Variants in CACNA2D3 observed in about 807,000 individuals in gnomAD.
The protein encoded by CACNA2D3 is calcium voltage-gated channel auxiliary subunit alpha2delta 3, also known as voltage-dependent calcium channel subunit alpha-2/delta-3.
CACNA2D3 carries 60 observed loss-of-function variants against 160.6 expected under a neutral mutation model. That is an observed-to-expected ratio of 0.37 (90% confidence interval 0.30 to 0.46). The LOEUF (loss-of-function observed/expected upper bound fraction) is 0.46, where lower values mean the gene tolerates loss of function less well. Ranked by LOEUF, CACNA2D3 falls within the 20% of genes least tolerant of loss-of-function variation. CACNA2D3 has a pLI of 1.00. For missense variants in CACNA2D3, 1,205 were observed against 1,365.0 expected (o/e 0.88, Z 1.85); for synonymous variants, 558 against 492.9 (o/e 1.13, Z -1.75).
At chr3:54,859,972 G>GCA (rs1553891454) in intron 17 of CACNA2D3, among the ~76,000 whole-genome samples, 25,880 of 133,476 alleles carry the variant, frequency 0.19, 2,367 homozygotes, top group East Asian at 0.27. Flanking sequence ...GAAAGTAGAT[G>GCA]CACACACACA....
intron 17 of CACNA2D3, among the ~76,000 whole-genome samples, chr3:54,861,111 C>G (rs1699282163): frequency 2.6e-5 from 4 of 152,024 alleles, no homozygotes. Flanking sequence ...TGCTTAGGAC[C>G]TAGTAGGGGA....
intron 5 of CACNA2D3, among the ~76,000 whole-genome samples, chr3:54,512,201 G>C: frequency 6.6e-6 from 1 of 152,056 alleles, no homozygotes; most frequent in East Asian, 1.9e-4. Context: ...GCCAGCCATC[G>C]GGCTCGCACA....
rs534827627 is a variant in CACNA2D3 at position 54,619,293 on chromosome 3, AGCAGTTACTTGGAAATGT to A, written c.964-8490_964-8473del. 2.0e-3 allele frequency among the ~76,000 whole-genome samples: 303 copies of A among 152,312 alleles called. 2 individuals are homozygous for A. The highest frequency in any genetic ancestry group is 6.9e-3 in the African/African-American group (288 of 41,564). Reference sequence around the variant, plus strand: ...GGTAATCATCATGTCCCTCCCCCTCAGCAGTTACTTGGAAATGTGCACTGCTTAGGTGGAGGGGCTGTT... The same window carrying A: ...GGTAATCATCATGTCCCTCCCCCTCAGCACTGCTTAGGTGGAGGGGCTGTT... On this transcript the variant is annotated intron_variant, in intron 9 of 37. Transcript: ENST00000474759.
chr3:54,413,400 A>ATATATATAGATATC (rs1699701183), intron 4 of CACNA2D3, among the ~76,000 whole-genome samples: 1 of 146,866 alleles, frequency 6.8e-6, no homozygotes, highest in African/African-American at 2.5e-5. Context: ...ATATATATCT[A>ATATATATAGATATC]TATATATCTA....
rs189759993 is a variant in CACNA2D3 at position 54,584,181 on chromosome 3, A to G, written c.963+2304A>G. Among the ~76,000 whole-genome samples the G allele has an allele frequency of 3.7e-3, 557 of 152,332 alleles. 1 individual carries two copies. The highest frequency in any genetic ancestry group is 5.0e-3 in the Admixed American group (76 of 15,306). On this transcript the variant is annotated intron_variant, in intron 9 of 37. Coordinates refer to ENST00000474759, the MANE Select transcript of CACNA2D3 (RefSeq NM_018398.3). The stretch of plus-strand genomic sequence containing the variant: ...ATGCCCAGAATGCAATTAAAATGCC[A>G]CGAACTGGGAAAATCACAACATGAA...
At chr3:54,487,090 A>G (rs183261740) in intron 4 of CACNA2D3, among the ~76,000 whole-genome samples, 1 of 152,214 alleles carries the variant, frequency 6.6e-6, no homozygotes, top group East Asian at 1.9e-4. Context: ...ATAACCTTAT[A>G]CCCACTATGA....
rs555468369 is a variant in CACNA2D3 at position 54,794,486 on chromosome 3, C to T, written c.1381-22367C>T. 2.1e-4 allele frequency among the ~76,000 whole-genome samples: 32 copies of T among 152,142 alleles called. 1 individual carries two copies. The South Asian group carries it at 3.5e-3, about 17-fold the overall frequency. Reference sequence around the variant, plus strand: ...ACCCACATGTTTTTCATTTCTGGTGCTATTTATTCTTTTGGATATACTCAA... The same window carrying T: ...ACCCACATGTTTTTCATTTCTGGTGTTATTTATTCTTTTGGATATACTCAA... On this transcript the variant is annotated intron_variant, in intron 13 of 37. Transcript: ENST00000474759.
chr3:55,038,905 T>TACAC (rs1366203176), intron 35 of CACNA2D3, among the ~76,000 whole-genome samples: 13 of 92,188 alleles, frequency 1.4e-4, no homozygotes, highest in African/African-American at 4.4e-4. Context: ...TATATATATA[T>TACAC]ATACACACAC....
chr3:54,687,138 T>TTTC (rs1700474419), intron 11 of CACNA2D3, among the ~76,000 whole-genome samples: 2 of 69,062 alleles, frequency 2.9e-5, no homozygotes, highest in African/African-American at 1.2e-4. Flanking sequence ...TTTTTTTGTT[T>TTTC]TTTTTTTTTT....
intron 35 of CACNA2D3, among the ~76,000 whole-genome samples, chr3:55,045,199 C>A (rs1367860270): frequency 6.6e-6 from 1 of 152,118 alleles, no homozygotes; most frequent in African/African-American, 2.4e-5. Flanking sequence ...CAGGTGCCTG[C>A]CACCATGACT....
chr3:54,164,538 G>A (rs988282603), intron 2 of CACNA2D3, among the ~76,000 whole-genome samples: 2 of 152,126 alleles, frequency 1.3e-5, no homozygotes, highest in African/African-American at 4.8e-5. Flanking sequence ...TGGTCTTTTT[G>A]TCCAGACAGC....
At chr3:54,387,094 A>C (rs780917969) in intron 4 of CACNA2D3, among the ~76,000 whole-genome samples, 2 of 152,254 alleles carry the variant, frequency 1.3e-5, no homozygotes, top group Non-Finnish European at 2.9e-5. Flanking sequence ...AGATAGCAGA[A>C]TACATCCAAA....
In CACNA2D3 at chr3:55,055,918, A is replaced by G. The variant is rs76309345; in HGVS notation, c.2988-17527A>G. ...TTTTTTTAGGTTTGACCCCAAAAGC[A>G]TAGGCAACAAAAGCAAAAATAGACA... On this transcript the variant is annotated intron_variant, in intron 35 of 37. Transcript: ENST00000474759. 8.9e-3 allele frequency among the ~76,000 whole-genome samples: 1,360 copies of G among 152,274 alleles called. 25 individuals are homozygous for G. Among genetic ancestry groups the G allele is most frequent in the African/African-American group, 0.032 (1,313 of 41,562 alleles).
chr3:54,517,136 CTCAAGAAGGT>C (rs902247375), intron 5 of CACNA2D3, among the ~76,000 whole-genome samples: 3 of 152,190 alleles, frequency 2.0e-5, no homozygotes, highest in African/African-American at 7.2e-5. Context: ...AAGACGCAGG[CTCAAGAAGGT>C]TAGTTATTTC....
intron 17 of CACNA2D3, among the ~76,000 whole-genome samples, chr3:54,855,260 C>T (rs866253986): frequency 3.3e-5 from 5 of 152,236 alleles, no homozygotes; most frequent in East Asian, 1.9e-4. Context: ...TGGCTGCACC[C>T]CCTCTAAAGC....
chr3:54,810,187 A>G (rs1412074932), intron 13 of CACNA2D3, among the ~76,000 whole-genome samples: 2 of 152,200 alleles, frequency 1.3e-5, no homozygotes, highest in Admixed American at 6.5e-5. Context: ...GGCAAGTGAA[A>G]TTTGAAGCAC....
intron 11 of CACNA2D3, among the ~76,000 whole-genome samples, chr3:54,689,165 C>T (rs1400663541): frequency 6.6e-6 from 1 of 152,056 alleles, no homozygotes; most frequent in Non-Finnish European, 1.5e-5. Flanking sequence ...CACTTAGCAG[C>T]AGCATTTAAC....
At chr3:54,767,549 C>T (rs1355875676) in intron 13 of CACNA2D3, among the ~76,000 whole-genome samples, 1 of 152,046 alleles carries the variant, frequency 6.6e-6, no homozygotes, top group Non-Finnish European at 1.5e-5. Flanking sequence ...TAAGCAGTGG[C>T]ACCCAAGTAG....
intron 4 of CACNA2D3, among the ~76,000 whole-genome samples, chr3:54,426,815 C>T (rs745836814): frequency 3.9e-5 from 6 of 152,062 alleles, no homozygotes; most frequent in Non-Finnish European, 5.9e-5. Context: ...AATTTGTAAC[C>T]ACAGTTGGTG....
Sources: allele counts gnomAD v4.1 joint callset (sites outside exome capture counted in the v4.1 genomes callset), GRCh38; gene constraint gnomAD v4.1.1; transcripts MANE v1.5; gene names NCBI Gene and HGNC (gene_info 2026-07-23, HGNC 2026-07-21).